The following SYNPR variants were observed in gnomAD, a reference collection of about 807,000 sequenced individuals.
The protein encoded by SYNPR is synaptoporin.
Under a neutral mutation model 32.9 loss-of-function variants are expected in SYNPR, and 23 were observed. The observed-to-expected ratio is 0.70, with a 90% confidence interval of 0.50 to 0.99. SYNPR has a LOEUF of 0.99. Ranked by LOEUF, SYNPR falls within the 50% of genes least tolerant of loss-of-function variation. The pLI, the probability that SYNPR is intolerant of heterozygous loss-of-function variation, is 0.00. For missense variants in SYNPR, 318 were observed against 349.3 expected (o/e 0.91, Z 0.71); for synonymous variants, 146 against 135.9 (o/e 1.07, Z -0.52).
At chr3:63,244,316 T>G (rs1051303023) in intron 1 of SYNPR, among the ~76,000 whole-genome samples, 4 of 152,064 alleles carry the variant, frequency 2.6e-5, no homozygotes, top group African/African-American at 9.7e-5. Context: ...GAGTCTTCCC[T>G]TAGCTAAACC....
chr3:63,346,071 T>C (rs745879974), intron 2 of SYNPR, among the ~76,000 whole-genome samples: 3 of 152,144 alleles, frequency 2.0e-5, no homozygotes, highest in East Asian at 1.9e-4. Context: ...TGTCTCAGCC[T>C]CCCAAAATGC....
intron 3 of SYNPR, among the ~76,000 whole-genome samples, chr3:63,514,587 T>C (rs1010752554): frequency 4.6e-5 from 7 of 152,164 alleles, no homozygotes; most frequent in African/African-American, 1.7e-4. Context: ...AGGAAGAACA[T>C]ATGACTAGGG....
chr3:63,420,489 A>T (rs1010681205), intron 2 of SYNPR, among the ~76,000 whole-genome samples: 1 of 152,188 alleles, frequency 6.6e-6, no homozygotes, highest in Non-Finnish European at 1.5e-5. Context: ...GACCTGAGAA[A>T]TTATCTTTCT....
chr3:63,273,256 T>C (rs1225249615), intron 3 of SYNPR, among the ~76,000 whole-genome samples: 2 of 152,302 alleles, frequency 1.3e-5, no homozygotes, highest in East Asian at 3.9e-4. Flanking sequence ...ATCTTTTTCT[T>C]GGAAAGTTAC....
chr3:63,360,345 C>T (rs1351734206), intron 2 of SYNPR, among the ~76,000 whole-genome samples: 2 of 152,144 alleles, frequency 1.3e-5, no homozygotes, highest in Non-Finnish European at 2.9e-5. Flanking sequence ...CAACCAAGAG[C>T]CCTCCTATCT....
At chr3:63,606,830 C>A (rs913994180) in intron 4 of SYNPR, among the ~76,000 whole-genome samples, 1 of 152,178 alleles carries the variant, frequency 6.6e-6, no homozygotes, top group Admixed American at 6.5e-5. Context: ...ATGACTTCAA[C>A]CAATTTGTTT....
chr3:63,234,276 G>A (rs951331391), intron 1 of SYNPR, among the ~76,000 whole-genome samples: 18 of 152,082 alleles, frequency 1.2e-4, no homozygotes, highest in Non-Finnish European at 2.5e-4. Context: ...AAAACAGCAC[G>A]GGAAAGACTT....
chr3:63,353,199 G>T (rs1184954409), intron 2 of SYNPR, among the ~76,000 whole-genome samples: 1 of 152,196 alleles, frequency 6.6e-6, no homozygotes, highest in African/African-American at 2.4e-5. Context: ...AGTGTGCAAG[G>T]CACTGGTGAT....
At chr3:63,344,550 A>ATTTTTTTTTTTTTTT (rs10627844) in intron 2 of SYNPR, among the ~76,000 whole-genome samples, 1 of 130,578 alleles carries the variant, frequency 7.7e-6, no homozygotes, top group Non-Finnish European at 1.6e-5. Context: ...TTCAAAAAAG[A>ATTTTTTTTTTTTTTT]TTTTTTTTTT....
intron 1 of SYNPR, among the ~76,000 whole-genome samples, chr3:63,236,838 T>C (rs1446203520): frequency 2.3e-4 from 35 of 152,176 alleles, no homozygotes; most frequent in Admixed American, 2.3e-3. Context: ...CTTTCCAATC[T>C]GTATGCCTTT....
intron 4 of SYNPR, among the ~76,000 whole-genome samples, chr3:63,576,777 C>A (rs374424637): frequency 8.2e-6 from 1 of 122,356 alleles, no homozygotes; most frequent in Non-Finnish European, 1.7e-5. Flanking sequence ...GGCAACAGAG[C>A]AAGAATACGT....
chr3:63,271,736 G>C (rs1444004689), intron 3 of SYNPR, among the ~76,000 whole-genome samples: 1 of 150,948 alleles, frequency 6.6e-6, no homozygotes, highest in Non-Finnish European at 1.5e-5. Context: ...TAATCATCAG[G>C]GAAATAAAAA....
chr3:63,539,432 T>C (rs537413030), intron 3 of SYNPR, among the ~76,000 whole-genome samples: 31 of 152,216 alleles, frequency 2.0e-4, no homozygotes, highest in African/African-American at 7.5e-4. Context: ...ATCAGACATA[T>C]CATAGAACTT....
chr3:63,440,560 G>A (rs1383605924), intron 2 of SYNPR, among the ~76,000 whole-genome samples: 1 of 152,060 alleles, frequency 6.6e-6, no homozygotes, highest in Non-Finnish European at 1.5e-5. Context: ...TGGTAGCAGG[G>A]GAGACTTAGA....
chr3:63,351,960 A>G (rs2087516052), intron 2 of SYNPR, among the ~76,000 whole-genome samples: 1 of 152,210 alleles, frequency 6.6e-6, no homozygotes, highest in African/African-American at 2.4e-5. Context: ...TAGGATCGGC[A>G]GCATGGGTGC....
At chr3:63,365,762 C>T (rs780528652) in intron 2 of SYNPR, among the ~76,000 whole-genome samples, 6 of 152,106 alleles carry the variant, frequency 3.9e-5, no homozygotes, top group Non-Finnish European at 7.3e-5. Flanking sequence ...GCGATATATA[C>T]GTATGTGCAC....
chr3:63,579,127 T>C (rs1420604207), intron 4 of SYNPR, among the ~76,000 whole-genome samples: 1 of 152,160 alleles, frequency 6.6e-6, no homozygotes, highest in South Asian at 2.1e-4. Flanking sequence ...CCAATTTCCA[T>C]GGGGCAATAT....
intron 3 of SYNPR, among the ~76,000 whole-genome samples, chr3:63,554,099 G>C (rs1478055107): frequency 6.6e-6 from 1 of 152,090 alleles, no homozygotes; most frequent in Non-Finnish European, 1.5e-5. Context: ...TTGTTGATTT[G>C]TTTAAGTTCT....
intron 1 of SYNPR, among the ~76,000 whole-genome samples, chr3:63,240,055 G>A (rs1196099630): frequency 6.6e-6 from 1 of 152,092 alleles, no homozygotes. Context: ...GTGAGACAGG[G>A]GAGGTTATTT....
Sources: allele counts gnomAD v4.1 joint callset (sites outside exome capture counted in the v4.1 genomes callset), GRCh38; gene constraint gnomAD v4.1.1; transcripts MANE v1.5; gene names NCBI Gene and HGNC (gene_info 2026-07-23, HGNC 2026-07-21).